AGBL1: variants seen among roughly 807,000 people sequenced by gnomAD.
The protein encoded by AGBL1 is cytosolic carboxypeptidase 4.
AGBL1 carries 130 observed loss-of-function variants against 118.9 expected under a neutral mutation model. The ratio of observed to expected loss-of-function variants is 1.09; its 90% CI spans 0.95 to 1.26. The LOEUF is 1.26. Ranked by LOEUF, AGBL1 falls within the 50% of genes most tolerant of loss-of-function variation. The pLI, the probability that AGBL1 is intolerant of heterozygous loss-of-function variation, is 0.00. For synonymous variants in AGBL1, 555 were observed against 478.9 expected, an observed-to-expected ratio of 1.16 and a Z score of -2.08; for missense variants, 1,584 against 1,298.1, an observed-to-expected ratio of 1.22 and a Z score of -3.38.
At chr15:86,557,714 T>C (rs1259787846) in intron 21 of AGBL1, among the ~76,000 whole-genome samples, 1 of 152,152 alleles carries the variant, frequency 6.6e-6, no homozygotes, top group East Asian at 1.9e-4. Context: ...ATCATCGTGG[T>C]GAGTAAGGCC....
chr15:86,617,884 T>C (rs1804942771), intron 21 of AGBL1, among the ~76,000 whole-genome samples: 1 of 152,146 alleles, frequency 6.6e-6, no homozygotes, highest in African/African-American at 2.4e-5. Flanking sequence ...ATTTGCCATT[T>C]CAAAAACAAA....
chr15:86,570,097 C>A (rs76714453), intron 21 of AGBL1, among the ~76,000 whole-genome samples: 2 of 125,348 alleles, frequency 1.6e-5, no homozygotes, highest in African/African-American at 6.1e-5. Context: ...ACCTGGGATG[C>A]TTGGAGTAGC....
At chr15:86,380,008 T>C (rs1284128949) in intron 17 of AGBL1, among the ~76,000 whole-genome samples, 1 of 152,226 alleles carries the variant, frequency 6.6e-6, no homozygotes. Context: ...CTGTAAGGCC[T>C]ATCTCTGGCA....
chr15:87,007,651 G>A (rs1408891474), intron 24 of AGBL1, among the ~76,000 whole-genome samples: 2 of 152,148 alleles, frequency 1.3e-5, no homozygotes, highest in Non-Finnish European at 2.9e-5. Flanking sequence ...AAGGAATTAA[G>A]AAAATAACTG....
chr15:86,288,832 T>G (rs905378867), intron 16 of AGBL1, among the ~76,000 whole-genome samples: 1 of 152,160 alleles, frequency 6.6e-6, no homozygotes, highest in Non-Finnish European at 1.5e-5. Flanking sequence ...TTTTTCTCTT[T>G]CTGCTGTTTT....
chr15:86,462,041 G>A (rs2082340710), intron 18 of AGBL1, among the ~76,000 whole-genome samples: 1 of 152,124 alleles, frequency 6.6e-6, no homozygotes, highest in Middle Eastern at 3.2e-3. Context: ...TACAAACTAT[G>A]AGTAGCTTTA....
At chr15:86,943,784 A>T (rs557844759) in intron 23 of AGBL1, among the ~76,000 whole-genome samples, 5 of 152,260 alleles carry the variant, frequency 3.3e-5, no homozygotes, top group Admixed American at 3.3e-4. Flanking sequence ...CTATGCTTGC[A>T]GCTTGATTTT....
intron 22 of AGBL1, among the ~76,000 whole-genome samples, chr15:86,750,329 C>G (rs993106556): frequency 3.3e-5 from 5 of 151,846 alleles, no homozygotes; most frequent in Non-Finnish European, 5.9e-5. Context: ...ATTGGTATTT[C>G]AATACCTGTA....
chr15:86,741,238 A>G (rs754686583), intron 22 of AGBL1, among the ~76,000 whole-genome samples: 6 of 151,872 alleles, frequency 4.0e-5, no homozygotes, highest in Non-Finnish European at 5.9e-5. Flanking sequence ...TGTTTATATT[A>G]GCAGGAAAAG....
At chr15:86,553,151 G>T (rs996436674) in intron 20 of AGBL1, among the ~76,000 whole-genome samples, 5 of 152,114 alleles carry the variant, frequency 3.3e-5, no homozygotes, top group African/African-American at 1.2e-4. Context: ...CTTCACTATT[G>T]TCTAATGTAT....
chr15:86,629,481 C>T (rs58421941), intron 21 of AGBL1, among the ~76,000 whole-genome samples: 3 of 152,064 alleles, frequency 2.0e-5, no homozygotes, highest in Non-Finnish European at 4.4e-5. Context: ...TATCATCTTG[C>T]TTATACAAAG....
intron 22 of AGBL1, among the ~76,000 whole-genome samples, chr15:86,738,361 A>G (rs1444026379): frequency 6.6e-6 from 1 of 152,194 alleles, no homozygotes; most frequent in Non-Finnish European, 1.5e-5. Flanking sequence ...TCAACGCAGT[A>G]CTGGAAATGC....
intron 12 of AGBL1, among the ~76,000 whole-genome samples, chr15:86,266,683 G>A (rs973608724): frequency 2.6e-5 from 4 of 152,112 alleles, no homozygotes; most frequent in Non-Finnish European, 4.4e-5. Context: ...CAGGTGGATC[G>A]TGAGTTCAGG....
chr15:86,672,239 CT>C (rs1224811063), intron 21 of AGBL1, among the ~76,000 whole-genome samples: 2 of 152,168 alleles, frequency 1.3e-5, no homozygotes, highest in Non-Finnish European at 1.5e-5. Flanking sequence ...TAATCAAGGT[CT>C]TCTGGACTAC....
Position 86,168,126 on chromosome 15 carries a change from T to C in AGBL1, c.488+9100T>C, listed in dbSNP as rs569160185. Among the ~76,000 whole-genome samples, 3 of 152,318 alleles carry C rather than the reference T, an allele frequency of 2.0e-5. No homozygotes were observed. In the East Asian group the frequency reaches 5.8e-4, roughly 29 times the overall value. On this transcript the variant is annotated intron_variant, in intron 5 of 22. Coordinates refer to ENST00000614907, the MANE Select transcript of AGBL1 (RefSeq NM_001386094.1). ...GTGGGGCTTTTATTATTGTCAGAGA[T>C]TTGTGGGCATTGAGTTGAAAAGACA...
chr15:86,631,981 A>G (rs61661430), intron 21 of AGBL1, among the ~76,000 whole-genome samples: 17,374 of 151,220 alleles, frequency 0.11, 1,129 homozygotes, highest in East Asian at 0.15. Flanking sequence ...CTTGAAACCA[A>G]GAGTTTGAGA....
intron 6 of AGBL1, among the ~76,000 whole-genome samples, chr15:86,228,530 A>G (rs1192633125): frequency 2.0e-5 from 3 of 152,164 alleles, no homozygotes; most frequent in African/African-American, 7.2e-5. Flanking sequence ...CTGTGACAGT[A>G]AACACTAGGG....
chr15:86,095,243 G>A (rs1333984128), intron 1 of AGBL1, among the ~76,000 whole-genome samples: 4 of 152,132 alleles, frequency 2.6e-5, no homozygotes, highest in African/African-American at 9.7e-5. Context: ...AGGTTTTTAT[G>A]TAGGCTCCAT....
intron 22 of AGBL1, among the ~76,000 whole-genome samples, chr15:86,707,433 GTT>G (rs1356283317): frequency 3.3e-5 from 5 of 152,206 alleles, no homozygotes; most frequent in Non-Finnish European, 7.4e-5. Flanking sequence ...GCTTGGCTCT[GTT>G]TTTGTTTTTC....
Sources: gnomAD v4.1 joint callset for allele counts (sites outside exome capture counted in the v4.1 genomes callset) on GRCh38, gnomAD v4.1.1 for gene constraint, MANE v1.5 for transcripts, NCBI Gene and HGNC (gene_info 2026-07-23, HGNC 2026-07-21) for gene names.